Variants in FCHO2 observed in about 807,000 individuals in gnomAD.
FCHO2 encodes the protein FCH and mu domain containing endocytic adaptor 2.
A neutral mutation model predicts 114.1 loss-of-function variants in FCHO2; 43 were observed. The ratio of observed to expected loss-of-function variants is 0.38; its 90% CI spans 0.30 to 0.49. The LOEUF is 0.49. FCHO2 is among the 20% of genes least tolerant of loss of function. The probability of loss-of-function intolerance (pLI) is 0.97; values close to 1 mark genes in which losing one functional copy is unlikely to be tolerated. For missense variants in FCHO2, 807 were observed against 950.4 expected, an observed-to-expected ratio of 0.85 and a Z score of 1.98; for synonymous variants, 293 against 315.2, an observed-to-expected ratio of 0.93 and a Z score of 0.75.
intron 11 of FCHO2, among the ~76,000 whole-genome samples, chr5:73,048,369 C>T (rs780696846): frequency 1.1e-4 from 16 of 151,978 alleles, no homozygotes; most frequent in Non-Finnish European, 2.1e-4. Context: ...AGAATCACTG[C>T]AGGAGGTGGA....
At chr5:73,009,269 C>T (rs1258668292) in intron 6 of FCHO2, among the ~76,000 whole-genome samples, 1 of 152,196 alleles carries the variant, frequency 6.6e-6, no homozygotes, top group African/African-American at 2.4e-5. Flanking sequence ...TCATTAGGAG[C>T]ACACATTTAT....
At chr5:73,078,552 A>G (rs1742990801) in intron 22 of FCHO2, among the ~76,000 whole-genome samples, 1 of 152,226 alleles carries the variant, frequency 6.6e-6, no homozygotes, top group South Asian at 2.1e-4. Context: ...CTTAAGCTGA[A>G]AAGACTAGCA....
At chr5:72,968,093 T>G (rs1248700642) in intron 1 of FCHO2, among the ~76,000 whole-genome samples, 5 of 151,182 alleles carry the variant, frequency 3.3e-5, no homozygotes, top group African/African-American at 7.3e-5. Context: ...CCCGGCTAAT[T>G]TTTTGTATTT....
In FCHO2 at chr5:73,063,830, C is replaced by G. The variant is rs1757949430; in HGVS notation, c.1346-11C>G. 5 of 1,607,776 alleles carry G rather than the reference C, an allele frequency of 3.1e-6. No homozygotes were observed. The highest frequency in any genetic ancestry group is 4.3e-6 in the Non-Finnish European group (5 of 1,176,236). On this transcript the variant is annotated splice_polypyrimidine_tract_variant and intron_variant, in intron 17 of 25. Transcript: ENST00000430046. ...TGATTTTCTTCAAATTCTCTTTTCC[C>G]CCTCAACCAGCCAGGCCCACAACTC...
chr5:73,012,722 T>G (rs1256020543), intron 6 of FCHO2, among the ~76,000 whole-genome samples: 1 of 152,162 alleles, frequency 6.6e-6, no homozygotes, highest in Admixed American at 6.5e-5. Context: ...GAAAGTTCAT[T>G]TATGTATACT....
In FCHO2 at chr5:73,074,891, G is replaced by T. The variant is rs754338543; in HGVS notation, c.1691+38G>T. 9 of 1,502,312 alleles carry T rather than the reference G, an allele frequency of 6.0e-6. No individual in the cohort carries two copies. The South Asian group carries it at 1.1e-4, about 18-fold the overall frequency. 93.1% of individuals were successfully genotyped at this position (1,502,312 alleles called of 1,614,324 possible). The stretch of plus-strand genomic sequence containing the variant: ...AATATATGCATGTATGTGTATGTAT[G>T]TGTGTTGGGTGGAGGAGGTGGTGGG... On this transcript the variant is annotated intron_variant, in intron 20 of 25. Transcript: ENST00000430046.
At position 73,005,582 on chromosome 5, in the gene FCHO2, A is replaced by T. The variant is rs992152165; in HGVS notation, c.496-863A>T. Among the ~76,000 whole-genome samples the T allele has an allele frequency of 3.3e-5, 5 of 152,230 alleles. No homozygotes were observed. The East Asian group carries it at 9.7e-4, about 29-fold the overall frequency. Reference sequence around the variant, plus strand: ...TTAAACTCTTTTTTAGTCCAACCACATCACTCCATCTTCCTGTATCCAAGT... The same window carrying T: ...TTAAACTCTTTTTTAGTCCAACCACTTCACTCCATCTTCCTGTATCCAAGT... On this transcript the variant is annotated intron_variant, in intron 5 of 25. Transcript: ENST00000430046.
At chr5:72,992,010 G>A (rs1445036637) in intron 5 of FCHO2, among the ~76,000 whole-genome samples, 1 of 152,170 alleles carries the variant, frequency 6.6e-6, no homozygotes. Flanking sequence ...AAGAGGGGCT[G>A]TTACAAGACT....
At chr5:73,083,148 T>C (rs1425185635) in intron 24 of FCHO2, among the ~76,000 whole-genome samples, 1 of 152,018 alleles carries the variant, frequency 6.6e-6, no homozygotes, top group Non-Finnish European at 1.5e-5. Context: ...CCTCCCAAAG[T>C]GCTGGGATTA....
At chr5:73,080,806 G>A (rs570832625) in intron 22 of FCHO2, among the ~76,000 whole-genome samples, 35 of 152,282 alleles carry the variant, frequency 2.3e-4, no homozygotes, top group African/African-American at 7.9e-4. Context: ...CAGGGAGACA[G>A]TAAAGATCAG....
Position 73,006,428 on chromosome 5 carries a change from A to G in FCHO2, c.496-17A>G, listed in dbSNP as rs554355160. On this transcript the variant is annotated splice_polypyrimidine_tract_variant and intron_variant, in intron 5 of 25. Transcript: ENST00000430046. Reference sequence around the variant, plus strand: ...GTCAATGCACAGTTAAAAGTTTTTTATTTTATTTTATTACAGGCAGCTGTT... The same window carrying G: ...GTCAATGCACAGTTAAAAGTTTTTTGTTTTATTTTATTACAGGCAGCTGTT... 2 of 1,431,036 alleles carry G rather than the reference A, an allele frequency of 1.4e-6. No homozygotes were observed. The highest frequency in any genetic ancestry group is 3.0e-5 in the African/African-American group (2 of 67,460). 88.6% of individuals were successfully genotyped at this position (1,431,036 alleles called of 1,614,324 possible).
rs528742529 is a variant in FCHO2 at position 73,004,629 on chromosome 5, C to CT, written c.496-1809dup. 2.5e-3 allele frequency among the ~76,000 whole-genome samples: 370 copies of CT among 148,452 alleles called. 2 individuals are homozygous for CT. Among genetic ancestry groups the CT allele is most frequent in the African/African-American group, 6.7e-3 (274 of 41,040 alleles). ...TTGTATAACTACATTACTACTACAGCTTTTTTTAAAAAAAAGGTGATATTG... is the reference window on the plus strand; with the variant it reads ...TTGTATAACTACATTACTACTACAGCTTTTTTTTAAAAAAAAGGTGATATTG... On this transcript the variant is annotated intron_variant, in intron 5 of 25. Coordinates refer to ENST00000430046, the MANE Select transcript of FCHO2 (RefSeq NM_138782.3).
intron 13 of FCHO2, among the ~76,000 whole-genome samples, chr5:73,053,925 A>G (rs917905814): frequency 1.7e-4 from 26 of 152,298 alleles, no homozygotes; most frequent in Middle Eastern, 3.4e-3. Flanking sequence ...TATTAATTTC[A>G]TACTATGAAA....
intron 2 of FCHO2, among the ~76,000 whole-genome samples, chr5:72,982,350 T>C (rs1561420647): frequency 6.6e-6 from 1 of 152,254 alleles, no homozygotes; most frequent in African/African-American, 2.4e-5. Flanking sequence ...GAGCTGTTCC[T>C]ATTCAGCCAT....
intron 11 of FCHO2, among the ~76,000 whole-genome samples, chr5:73,042,519 C>T (rs979029614): frequency 8.6e-5 from 13 of 151,676 alleles, no homozygotes; most frequent in Non-Finnish European, 1.9e-4. Context: ...CAATATTATC[C>T]AATTTTGAAC....
At chr5:73,056,632 A>T (rs1018612836) in intron 16 of FCHO2, among the ~76,000 whole-genome samples, 1 of 152,006 alleles carries the variant, frequency 6.6e-6, no homozygotes, top group African/African-American at 2.4e-5. Context: ...CTTTTACAAT[A>T]AAAAAAATCT....
intron 2 of FCHO2, among the ~76,000 whole-genome samples, chr5:72,975,120 A>G (rs1752785787): frequency 6.6e-6 from 1 of 152,138 alleles, no homozygotes; most frequent in Non-Finnish European, 1.5e-5. Context: ...AACACCTAAT[A>G]TAATCTTTTG....
intron 1 of FCHO2, among the ~76,000 whole-genome samples, chr5:72,960,089 G>C (rs181017690): frequency 6.6e-6 from 1 of 152,224 alleles, no homozygotes; most frequent in East Asian, 1.9e-4. Context: ...CAAAGTTTTA[G>C]GTTTCTAATC....
intron 2 of FCHO2, among the ~76,000 whole-genome samples, chr5:72,979,374 A>ATTTATT (rs1753056004): frequency 1.5e-5 from 1 of 66,598 alleles, no homozygotes; most frequent in Non-Finnish European, 3.2e-5. Flanking sequence ...GAATTTATCA[A>ATTTATT]TTTCTTTTTT....
Sources: allele counts gnomAD v4.1 joint callset (sites outside exome capture counted in the v4.1 genomes callset), GRCh38; gene constraint gnomAD v4.1.1; transcripts MANE v1.5; gene names NCBI Gene and HGNC (gene_info 2026-07-23, HGNC 2026-07-21).